The following ALK variants were observed in gnomAD, a reference collection of about 807,000 sequenced individuals.
ALK encodes ALK tyrosine kinase receptor.
ALK carries 74 observed loss-of-function variants against 163.1 expected under a neutral mutation model. The observed-to-expected ratio is 0.45, with a 90% CI of 0.38 to 0.55. The LOEUF is 0.55. Ranked by LOEUF, ALK falls within the 20% of genes least tolerant of loss-of-function variation. The pLI is 0.00. For synonymous variants in ALK, 960 were observed against 843.2 expected (o/e 1.14, Z -2.40); for missense variants, 2,063 against 2,105.3 (o/e 0.98, Z 0.39).
chr2:29,689,575 TCACAGTC>T (rs955684592), intron 3 of ALK, among the ~76,000 whole-genome samples: 2 of 152,130 alleles, frequency 1.3e-5, no homozygotes, highest in Non-Finnish European at 2.9e-5. Flanking sequence ...GTCTAAGAAT[TCACAGTC>T]CACAGATGCA....
intron 5 of ALK, among the ~76,000 whole-genome samples, chr2:29,364,816 A>G (rs1668464929): frequency 6.6e-6 from 1 of 152,204 alleles, no homozygotes; most frequent in Admixed American, 6.5e-5. Context: ...TGCACATATT[A>G]TTTTGAGCAT....
At chr2:29,646,811 C>A (rs1179300040) in intron 3 of ALK, among the ~76,000 whole-genome samples, 1 of 152,134 alleles carries the variant, frequency 6.6e-6, no homozygotes, top group Non-Finnish European at 1.5e-5. Context: ...TGCACCACAC[C>A]ACTCCTGCCT....
At chr2:29,467,879 A>G (rs1433007103) in intron 4 of ALK, among the ~76,000 whole-genome samples, 1 of 152,182 alleles carries the variant, frequency 6.6e-6, no homozygotes, top group Non-Finnish European at 1.5e-5. Flanking sequence ...TGTTTATTAA[A>G]ATAGGTTATT....
intron 3 of ALK, among the ~76,000 whole-genome samples, chr2:29,664,425 C>T (rs1283097262): frequency 6.6e-6 from 1 of 152,120 alleles, no homozygotes; most frequent in Non-Finnish European, 1.5e-5. Flanking sequence ...CCTTTTTGTA[C>T]TCCCACTTCC....
At chr2:29,617,094 C>T (rs1159169129) in intron 3 of ALK, among the ~76,000 whole-genome samples, 1 of 152,168 alleles carries the variant, frequency 6.6e-6, no homozygotes, top group Non-Finnish European at 1.5e-5. Flanking sequence ...AAGAAAGCAC[C>T]TTAGGTCCAT....
intron 2 of ALK, among the ~76,000 whole-genome samples, chr2:29,705,223 A>AAAAAG (rs1195611921): frequency 2.2e-5 from 3 of 135,240 alleles, no homozygotes; most frequent in Admixed American, 8.1e-5. Flanking sequence ...ATCTCAACAA[A>AAAAAG]AAAAGAAAAG....
At chr2:29,369,439 G>T (rs1434156803) in intron 5 of ALK, among the ~76,000 whole-genome samples, 3 of 152,152 alleles carry the variant, frequency 2.0e-5, no homozygotes, top group Admixed American at 2.0e-4. Context: ...CTTAGAGTAA[G>T]GATGAAAAGA....
chr2:29,420,285 A>G (rs1174173361), intron 4 of ALK, among the ~76,000 whole-genome samples: 1 of 151,612 alleles, frequency 6.6e-6, no homozygotes, highest in Non-Finnish European at 1.5e-5. Context: ...TGTAGGGACT[A>G]AAGCTAGTCA....
chr2:29,431,527 A>C (rs905914300), intron 4 of ALK, among the ~76,000 whole-genome samples: 3 of 152,232 alleles, frequency 2.0e-5, no homozygotes, highest in Non-Finnish European at 4.4e-5. Flanking sequence ...CAAGGAGGTC[A>C]AACCTTTCTT....
chr2:29,748,710 AGGC>A (rs1324521854), intron 1 of ALK, among the ~76,000 whole-genome samples: 2 of 152,156 alleles, frequency 1.3e-5, no homozygotes, highest in Non-Finnish European at 2.9e-5. Context: ...ATTCAGAAGA[AGGC>A]GCTTAGTCGA....
At chr2:29,647,416 C>T (rs1426524191) in intron 3 of ALK, among the ~76,000 whole-genome samples, 3 of 152,182 alleles carry the variant, frequency 2.0e-5, no homozygotes, top group Non-Finnish European at 2.9e-5. Context: ...ATCAGCTTCT[C>T]AGTTGACTTC....
chr2:29,447,984 C>A (rs1670728674), intron 4 of ALK, among the ~76,000 whole-genome samples: 1 of 152,152 alleles, frequency 6.6e-6, no homozygotes, highest in Admixed American at 6.5e-5. Context: ...TCAAAACTAT[C>A]TTTTTAAATG....
At chr2:29,816,045 G>A (rs982492917) in intron 1 of ALK, among the ~76,000 whole-genome samples, 1 of 152,224 alleles carries the variant, frequency 6.6e-6, no homozygotes, top group Non-Finnish European at 1.5e-5. Flanking sequence ...CTTGGGGTTG[G>A]AGGCGCTGGT....
chr2:29,881,275 TC>T (rs1193891180), intron 1 of ALK, among the ~76,000 whole-genome samples: 10 of 152,310 alleles, frequency 6.6e-5, no homozygotes, highest in Non-Finnish European at 1.3e-4. Context: ...AGCAGGCTGC[TC>T]CCGACCCACT....
chr2:29,401,299 C>T (rs529772881), intron 4 of ALK, among the ~76,000 whole-genome samples: 14 of 152,216 alleles, frequency 9.2e-5, no homozygotes, highest in African/African-American at 2.9e-4. Context: ...GAGTCTCTTT[C>T]GAATACTCCA....
chr2:29,330,663 A>G (rs958566248), intron 5 of ALK, among the ~76,000 whole-genome samples: 1 of 152,238 alleles, frequency 6.6e-6, no homozygotes, highest in Non-Finnish European at 1.5e-5. Flanking sequence ...GCTGTGATTA[A>G]GAATCTTTAG....
intron 4 of ALK, among the ~76,000 whole-genome samples, chr2:29,435,398 G>A (rs1030313272): frequency 6.6e-6 from 1 of 152,036 alleles, no homozygotes; most frequent in African/African-American, 2.4e-5. Flanking sequence ...TCTGTCAGAG[G>A]CAGCCCTGCC....
intron 3 of ALK, among the ~76,000 whole-genome samples, chr2:29,570,297 C>G (rs115593868): frequency 2.0e-3 from 306 of 152,292 alleles, no homozygotes; most frequent in African/African-American, 7.1e-3. Flanking sequence ...AGACACTGGA[C>G]TTGGAAGATG....
At chr2:29,833,619 G>A (rs1211360663) in intron 1 of ALK, among the ~76,000 whole-genome samples, 1 of 152,182 alleles carries the variant, frequency 6.6e-6, no homozygotes, top group East Asian at 1.9e-4. Flanking sequence ...TGCTTCACAG[G>A]CATTGTTTCA....
Sources: allele counts gnomAD v4.1 joint callset (sites outside exome capture counted in the v4.1 genomes callset), GRCh38; gene constraint gnomAD v4.1.1; transcripts MANE v1.5; gene names NCBI Gene and HGNC (gene_info 2026-07-23, HGNC 2026-07-21).